Variants in TNKS2 observed in about 807,000 individuals in gnomAD.
TNKS2 encodes tankyrase 2, also known as poly [ADP-ribose] polymerase tankyrase-2.
TNKS2 carries 72 observed loss-of-function variants against 137.6 expected under a neutral mutation model. The ratio of observed to expected loss-of-function variants is 0.52; its 90% CI spans 0.43 to 0.64. The LOEUF is 0.64. Among genes scored for constraint, TNKS2 ranks in the 30% least tolerant of loss-of-function variants. The pLI is 0.00. For missense variants in TNKS2, 1,049 were observed against 1,410.2 expected (o/e 0.74, Z 4.10); for synonymous variants, 516 against 512.1 (o/e 1.01, Z -0.10).
intron 21 of TNKS2, among the ~76,000 whole-genome samples, chr10:91,852,479 G>A (rs1245945666): frequency 6.6e-6 from 1 of 152,094 alleles, no homozygotes; most frequent in Non-Finnish European, 1.5e-5. Flanking sequence ...AGAATGGCGT[G>A]AACCCGGGAG....
intron 1 of TNKS2, among the ~76,000 whole-genome samples, chr10:91,809,462 C>A (rs562889319): frequency 6.6e-6 from 1 of 151,714 alleles, no homozygotes; most frequent in Non-Finnish European, 1.5e-5. Context: ...GTCAGGAGAT[C>A]GAGACCATCT....
rs763674965 is a variant in TNKS2 at position 91,859,628 on chromosome 10, A to G, written c.3261A>G (p.Arg1087=). 6.2e-7 allele frequency: 1 copy of G among 1,611,936 alleles called. No homozygotes were observed. The highest frequency in any genetic ancestry group is 8.5e-7 in the Non-Finnish European group (1 of 1,179,284). Residue 1087 remains arginine (R), a synonymous_variant, in exon 25 of 27, where the codon AGA becomes AGG. Coordinates refer to ENST00000371627, the MANE Select transcript of TNKS2 (RefSeq NM_025235.4). ...GGTGCPVHKD[R]SCYICHRQLL... ...CTGGGTGTCCAGTTCACAAAGACAG[A>G]TCTTGTTACATTTGCCACAGGTAAG...
At chr10:91,823,327 T>G (rs1220184837) in intron 7 of TNKS2, among the ~76,000 whole-genome samples, 25 of 15,860 alleles carry the variant, frequency 1.6e-3, no homozygotes, top group African/African-American at 3.7e-3. Flanking sequence ...TTGGTTTTTT[T>G]TTTTTTTTTT....
At chr10:91,814,743 A>G (rs898228017) in intron 2 of TNKS2, among the ~76,000 whole-genome samples, 1 of 152,226 alleles carries the variant, frequency 6.6e-6, no homozygotes, top group Non-Finnish European at 1.5e-5. Flanking sequence ...TAGGAGGAGT[A>G]GGCTATACCA....
At chr10:91,845,072 A>T (rs1162686136) in intron 17 of TNKS2, 44 bp downstream of exon 17, 1 of 1,260,904 alleles carries the variant, frequency 7.9e-7, no homozygotes, top group Non-Finnish European at 1.1e-6. Flanking sequence ...GGAATTTTAA[A>T]GTGAAAGTCA....
In TNKS2 at chr10:91,841,297, T is replaced by A; in HGVS notation, c.1688T>A (p.Leu563Ter). The A allele has an allele frequency of 6.3e-7, 1 of 1,579,162 alleles. No individual in the cohort carries two copies. The highest frequency in any genetic ancestry group is 8.6e-7 in the Non-Finnish European group (1 of 1,164,828). The change falls in exon 15 of 27, where the codon TTG becomes TAG. Residue 563 changes from leucine to a stop codon, truncating the protein, a stop_gained. Transcript: ENST00000371627. LOFTEE classifies it high-confidence loss of function. ...HAKDKGGLVP[L>*]HNACSYGHYE... ...TTACTTTTCAGAGGCCTTGTACCTT[T>A]GCACAATGCATGTTCTTATGGACAT...
chr10:91,808,853 A>C (rs969434741), intron 1 of TNKS2, among the ~76,000 whole-genome samples: 1 of 152,210 alleles, frequency 6.6e-6, no homozygotes, highest in African/African-American at 2.4e-5. Flanking sequence ...AGAGGAAGCA[A>C]TAAGCCCTCA....
At chr10:91,862,381 T>TA (rs1273346447) in intron 26 of TNKS2, among the ~76,000 whole-genome samples, 1 of 152,228 alleles carries the variant, frequency 6.6e-6, no homozygotes, top group Non-Finnish European at 1.5e-5. Context: ...TTTTTACTCT[T>TA]ACCATTCTCT....
intron 1 of TNKS2, among the ~76,000 whole-genome samples, chr10:91,804,662 TG>T (rs1414777628): frequency 6.6e-6 from 1 of 152,220 alleles, no homozygotes; most frequent in Non-Finnish European, 1.5e-5. Flanking sequence ...TTCCAGAAAT[TG>T]GTGCTTAACA....
rs1045338872 is a variant in TNKS2 at position 91,859,595 on chromosome 10, A to C, written c.3228A>C (p.Gly1076=). The C allele has an allele frequency of 5.6e-6, 9 of 1,613,786 alleles. No homozygotes were observed. The highest frequency in any genetic ancestry group is 7.6e-6 in the Non-Finnish European group (9 of 1,179,920). ...GCAATCAATATGTATATGGAATTGG[A>C]GGAGGTACTGGGTGTCCAGTTCACA... is the stretch of plus-strand genomic sequence containing the variant. ...SKSNQYVYGI[G]GGTGCPVHKD... is the part of the protein sequence containing the mutation. Residue 1076 remains glycine (G), a synonymous_variant, in exon 25 of 27, where the codon GGA becomes GGC. Coordinates refer to ENST00000371627, the MANE Select transcript of TNKS2 (RefSeq NM_025235.4).
At chr10:91,848,237 T>C in intron 18 of TNKS2, 146 bp from the exon 19 acceptor site, 1 of 928,970 alleles carries the variant, frequency 1.1e-6, no homozygotes, top group South Asian at 2.1e-5. Context: ...ACCTGTTTGC[T>C]TCACTTTTTA....
intron 16 of TNKS2, among the ~76,000 whole-genome samples, chr10:91,843,004 GT>G (rs1842262234): frequency 6.6e-6 from 1 of 151,864 alleles, no homozygotes; most frequent in Non-Finnish European, 1.5e-5. Context: ...TGGTAAACAA[GT>G]TTTGAAAAAT....
chr10:91,851,635 T>A (rs1400126796), intron 21 of TNKS2, among the ~76,000 whole-genome samples: 2 of 152,202 alleles, frequency 1.3e-5, no homozygotes, highest in Non-Finnish European at 2.9e-5. Context: ...TTATTCTAGC[T>A]CTTAAATTGT....
At chr10:91,855,960 C>G (rs1441702005) in intron 23 of TNKS2, among the ~76,000 whole-genome samples, 3 of 152,034 alleles carry the variant, frequency 2.0e-5, no homozygotes, top group African/African-American at 7.2e-5. Flanking sequence ...ACTATAGGTT[C>G]AATACTTTAT....
At chr10:91,821,439 A>G (rs1844889618) in intron 6 of TNKS2, among the ~76,000 whole-genome samples, 1 of 152,102 alleles carries the variant, frequency 6.6e-6, no homozygotes, top group Admixed American at 6.5e-5. Flanking sequence ...ATATTCAAAA[A>G]TAGTAAGGAA....
intron 8 of TNKS2, among the ~76,000 whole-genome samples, 192 bp from the exon 9 acceptor site, chr10:91,828,093 C>G (rs935424902): frequency 2.7e-4 from 41 of 152,094 alleles, no homozygotes; most frequent in Non-Finnish European, 4.0e-4. Context: ...TACAGTTGCA[C>G]CGTAACTTAG....
rs1344668821 is a variant in TNKS2, at chr10:91,798,808, G to A, written c.118G>A (p.Val40Ile). ...EACRNGDVERVKRLVTPEKVN... is the reference protein window; with the variant it reads ...EACRNGDVERIKRLVTPEKVN... The stretch of plus-strand genomic sequence containing the variant: ...GTGCCGCAACGGGGACGTGGAACGA[G>A]TCAAGAGGCTGGTGACGCCTGAGAA... The change falls in exon 1 of 27, where the codon GTC becomes ATC. Residue 40 changes from valine (V) to isoleucine (I), a missense_variant. This residue lies in a region of TNKS2 where 374 missense variants were observed against 460.8 expected (regional missense o/e 0.81). Coordinates refer to ENST00000371627, the MANE Select transcript of TNKS2 (RefSeq NM_025235.4). The A allele has an allele frequency of 7.5e-7, 1 of 1,331,848 alleles. No homozygotes were observed. The highest frequency in any genetic ancestry group is 9.7e-7 in the Non-Finnish European group (1 of 1,031,298). The allele number at this position is 1,331,848 out of a possible 1,614,324, so 82.5% of individuals were successfully genotyped here.
chr10:91,800,210 C>G (rs755650447), intron 1 of TNKS2, among the ~76,000 whole-genome samples: 5 of 152,192 alleles, frequency 3.3e-5, no homozygotes, highest in Non-Finnish European at 7.3e-5. Context: ...TCAAACACAC[C>G]TAGTTAGCCT....
At chr10:91,858,926 T>C (rs998120542) in intron 24 of TNKS2, among the ~76,000 whole-genome samples, 6 of 152,020 alleles carry the variant, frequency 3.9e-5, no homozygotes, top group Non-Finnish European at 8.8e-5. Context: ...GGAGAATTGC[T>C]TGAACCCGGG....
Sources: gnomAD v4.1 joint callset for allele counts (sites outside exome capture counted in the v4.1 genomes callset) on GRCh38, gnomAD v4.1.1 for gene constraint, gnomAD v4.1.1 regional missense constraint, MANE v1.5 for transcripts, NCBI Gene and HGNC (gene_info 2026-07-23, HGNC 2026-07-21) for gene names.